Variants in DPY19L2 observed in about 807,000 individuals in gnomAD.
DPY19L2 encodes the protein probable C-mannosyltransferase DPY19L2.
DPY19L2 carries 34 observed loss-of-function variants against 97.9 expected under a neutral mutation model. The ratio of observed to expected loss-of-function variants is 0.35; its 90% confidence interval spans 0.26 to 0.46. The LOEUF (loss-of-function observed/expected upper bound fraction) is 0.46, where lower values mean the gene tolerates loss of function less well. Ranked by LOEUF, DPY19L2 falls within the 20% of genes least tolerant of loss-of-function variation. The pLI is 1.00. For synonymous variants in DPY19L2, 230 were observed against 307.9 expected (o/e 0.75, Z 2.65); for missense variants, 623 against 911.4 (o/e 0.68, Z 4.07).
intron 4 of DPY19L2, among the ~76,000 whole-genome samples, chr12:63,652,466 T>C (rs1276252482): frequency 6.6e-6 from 1 of 152,106 alleles, no homozygotes; most frequent in Non-Finnish European, 1.5e-5. Flanking sequence ...TAAAGACACA[T>C]GCACATGTAT....
At chr12:63,668,547 G>A (rs1253518943), upstream of DPY19L2, 1 of 791,816 alleles carries the variant, frequency 1.3e-6, no homozygotes, top group South Asian at 1.9e-5. Context: ...GTGAAATGTG[G>A]GGTGGGGCGC....
intron 6 of DPY19L2, among the ~76,000 whole-genome samples, chr12:63,631,170 G>T (rs1890559020): frequency 6.6e-6 from 1 of 152,062 alleles, no homozygotes; most frequent in African/African-American, 2.4e-5. Flanking sequence ...AGAGAAGCAA[G>T]AGCAAACACA....
At chr12:63,610,260 G>A (rs1886724710) in intron 11 of DPY19L2, among the ~76,000 whole-genome samples, 1 of 152,030 alleles carries the variant, frequency 6.6e-6, no homozygotes, top group East Asian at 1.9e-4. Context: ...TGAAAAGAAA[G>A]GTAGAGTGAA....
chr12:63,606,310 T>A (rs956904645), intron 12 of DPY19L2, among the ~76,000 whole-genome samples: 4 of 152,086 alleles, frequency 2.6e-5, no homozygotes, highest in African/African-American at 9.7e-5. Context: ...AAAAAGCACA[T>A]TTATCTTTAT....
In DPY19L2 at chr12:63,668,351, C is replaced by T; in HGVS notation, c.43G>A (p.Gly15Ser). 1 of 1,613,290 alleles carries T rather than the reference C, an allele frequency of 6.2e-7. No homozygotes were observed. Among genetic ancestry groups the T allele is most frequent in the Non-Finnish European group, 8.5e-7 (1 of 1,179,816 alleles). The change falls in exon 1 of 22, where the codon GGC becomes AGC. Residue 15 changes from glycine to serine, a missense_variant. This residue lies in a region of DPY19L2 where 144 missense variants were observed against 119.4 expected (regional missense o/e 1.21). Coordinates refer to ENST00000324472, the MANE Select transcript of DPY19L2 (RefSeq NM_173812.5). ...GVSSKRLQSS[G>S]RSQSKGRRGA... is the part of the protein sequence containing the mutation. The stretch of plus-strand genomic sequence containing the variant: ...CGCCGCCCCTTAGACTGGCTGCGGC[C>T]GGAAGATTGCAGCCGCTTTGAGCTT...
intron 19 of DPY19L2, among the ~76,000 whole-genome samples, chr12:63,580,240 G>A (rs1480593146): frequency 3.3e-5 from 5 of 152,098 alleles, no homozygotes; most frequent in Admixed American, 6.5e-5. Flanking sequence ...TGACAGAAGC[G>A]GTGCTGGTTA....
At chr12:63,646,483 A>C (rs1893426142) in intron 5 of DPY19L2, among the ~76,000 whole-genome samples, 1 of 152,178 alleles carries the variant, frequency 6.6e-6, no homozygotes, top group Admixed American at 6.5e-5. Flanking sequence ...ATATCCCAAG[A>C]GTTGAATGTT....
rs1484826782 is a variant in DPY19L2 at position 63,580,642 on chromosome 12, A to G, written c.1900+20T>C. On this transcript the variant is annotated intron_variant, in intron 19 of 21. Coordinates refer to ENST00000324472, the MANE Select transcript of DPY19L2 (RefSeq NM_173812.5). ...CTGTATGTTTGTATAAAACTAGCAT[A>G]TAACCAAATACCTACACACCTGATG... The G allele has an allele frequency of 6.3e-7, 1 of 1,584,854 alleles. No homozygotes were observed. Among genetic ancestry groups the G allele is most frequent in the South Asian group, 1.2e-5 (1 of 85,054 alleles).
rs1884479971 is a variant in DPY19L2 at position 63,597,725 on chromosome 12, A to C, written c.1461+84T>G. On this transcript the variant is annotated intron_variant, in intron 14 of 21. Coordinates refer to ENST00000324472, the MANE Select transcript of DPY19L2 (RefSeq NM_173812.5). ...ATATAAAATAAGTTGACTGTTTCTG[A>C]GCAAAAATTTTGAGTTTCAGATTTT... is the stretch of plus-strand genomic sequence containing the variant. 3.1e-6 allele frequency: 4 copies of C among 1,271,896 alleles called. No individual in the cohort carries two copies. In the South Asian group the frequency reaches 5.3e-5, roughly 17 times the overall value. 78.8% of individuals were successfully genotyped at this position (1,271,896 alleles called of 1,614,324 possible). A position where few individuals can be genotyped will look rare whatever the true frequency, so the allele number is the denominator to read the frequency against.
rs185506188 is a variant in DPY19L2, at chr12:63,579,921, T to C, written c.1900+741A>G. ...GTCATAAGAAAATTTAAATAAATCATAGTGAAGAACTTGTACCAGAGTAAG... is the reference window on the plus strand; with the variant it reads ...GTCATAAGAAAATTTAAATAAATCACAGTGAAGAACTTGTACCAGAGTAAG... On this transcript the variant is annotated intron_variant, in intron 19 of 21. Transcript: ENST00000324472. Among the ~76,000 whole-genome samples the C allele has an allele frequency of 4.6e-5, 7 of 152,188 alleles. No homozygotes were observed. In the East Asian group the frequency reaches 1.4e-3, roughly 29 times the overall value.
rs145514959 is a variant in DPY19L2, at chr12:63,661,409, T to G, written c.523A>C (p.Asn175His). 207 of 1,605,544 alleles carry G rather than the reference T, an allele frequency of 1.3e-4. No homozygotes were observed. Among genetic ancestry groups the G allele is most frequent in the Non-Finnish European group, 1.6e-4 (193 of 1,177,408 alleles). The change falls in exon 4 of 22, where the codon AAT (asparagine) becomes CAT (histidine). Residue 175 changes from asparagine (N) to histidine (H), a missense_variant. Coordinates refer to ENST00000324472, the MANE Select transcript of DPY19L2 (RefSeq NM_173812.5). ...SFLEGLWMIM[N>H]DRLTEYPLII... ...AGAGGATATTCAGTAAGCCTGTCAT[T>G]CATAATCATCCACAGTCCTTCCAAA...
chr12:63,616,449 A>T (rs1887838996), intron 11 of DPY19L2, among the ~76,000 whole-genome samples: 1 of 152,142 alleles, frequency 6.6e-6, no homozygotes. Context: ...CATAAGGGCA[A>T]TCCCAAAAGA....
rs1592611759 is a variant in DPY19L2, at chr12:63,623,975, T to C, written c.953+65A>G. 9.2e-6 allele frequency: 12 copies of C among 1,306,458 alleles called. No homozygotes were observed. In the East Asian group the frequency reaches 1.3e-4, roughly 14 times the overall value. The allele number at this position is 1,306,458 out of a possible 1,614,324, so 80.9% of individuals were successfully genotyped here. A position where few individuals can be genotyped will look rare whatever the true frequency, so the allele number is the denominator to read the frequency against. On this transcript the variant is annotated intron_variant, in intron 8 of 21. Transcript: ENST00000324472. The stretch of plus-strand genomic sequence containing the variant: ...CACCTCAGCTTCCCAAAGTGCTGAA[T>C]TGAAGTATATTTTAAGAAACTTAAA...
intron 2 of DPY19L2, 107 bp from the exon 3 acceptor site, chr12:63,663,952 A>G: frequency 1.4e-6 from 1 of 715,636 alleles, no homozygotes; most frequent in Non-Finnish European, 2.3e-6. Flanking sequence ...TTGTTATATT[A>G]ATTTTATAAT....
At chr12:63,597,775 T>C (rs1016556684) in intron 14 of DPY19L2, 34 bp downstream of exon 14, 2 of 1,574,540 alleles carry the variant, frequency 1.3e-6, no homozygotes, top group Non-Finnish European at 8.7e-7. Flanking sequence ...AAAAAACTCA[T>C]ATTAGTAGAG....
At chr12:63,638,397 C>T (rs1592687768) in intron 6 of DPY19L2, among the ~76,000 whole-genome samples, 1 of 151,972 alleles carries the variant, frequency 6.6e-6, no homozygotes, top group African/African-American at 2.4e-5. Context: ...TGTATTCAAT[C>T]AGGAAAGAGG....
At chr12:63,622,607 T>C (rs1888867287) in intron 8 of DPY19L2, among the ~76,000 whole-genome samples, 1 of 152,100 alleles carries the variant, frequency 6.6e-6, no homozygotes, top group African/African-American at 2.4e-5. Context: ...TATGGCATGG[T>C]CCCTGTTTCC....
At chr12:63,649,652 C>T (rs11533674) in intron 4 of DPY19L2, among the ~76,000 whole-genome samples, 1 of 152,078 alleles carries the variant, frequency 6.6e-6, no homozygotes, top group East Asian at 1.9e-4. Context: ...CCTGAATAGA[C>T]CAATAACAAG....
chr12:63,594,697 T>C (rs1176259178), intron 15 of DPY19L2, among the ~76,000 whole-genome samples: 8 of 151,936 alleles, frequency 5.3e-5, no homozygotes, highest in African/African-American at 1.9e-4. Context: ...CTAGTGCACA[T>C]GCATAGTTCA....
Sources: allele counts gnomAD v4.1 joint callset (sites outside exome capture counted in the v4.1 genomes callset), GRCh38; gene constraint gnomAD v4.1.1; regional missense constraint gnomAD v4.1.1; transcripts MANE v1.5; gene names NCBI Gene and HGNC (gene_info 2026-07-23, HGNC 2026-07-21).